The following TENT5C variants were observed in gnomAD, a reference collection of about 807,000 sequenced individuals.
TENT5C encodes the protein family with sequence similarity 46 member C.
Under a neutral mutation model 22.2 loss-of-function variants are expected in TENT5C, and 5 were observed. The observed-to-expected ratio is 0.22, with a 90% CI of 0.12 to 0.47. The LOEUF (loss-of-function observed/expected upper bound fraction) is 0.47, where lower values mean the gene tolerates loss of function less well. Ranked by LOEUF, TENT5C falls within the 20% of genes least tolerant of loss-of-function variation. TENT5C has a pLI of 0.99. For missense variants in TENT5C, 364 were observed against 500.9 expected (o/e 0.73, Z 2.61); for synonymous variants, 199 against 195.4 (o/e 1.02, Z -0.15).
In TENT5C at chr1:117,628,256, G is replaced by A. The variant is rs996889246; in HGVS notation, c.*4212G>A. 2 of 247,230 alleles carry A rather than the reference G, an allele frequency of 8.1e-6. No individual in the cohort carries two copies. The highest frequency in any genetic ancestry group is 1.7e-5 in the Non-Finnish European group (2 of 117,642). 15.3% of individuals were successfully genotyped at this position (247,230 alleles called of 1,614,324 possible). ...TAGGAGGTCTGGGGATTCCTCTTTC[G>A]TGGTGGTCACTAACCTTACTTGATG... On this transcript the variant is annotated 3_prime_UTR_variant, in exon 2 of 2. Transcript: ENST00000369448.
At chr1:117,619,039 A>G (rs1653841913) in intron 1 of TENT5C, among the ~76,000 whole-genome samples, 1 of 152,196 alleles carries the variant, frequency 6.6e-6, no homozygotes, top group African/African-American at 2.4e-5. Context: ...GCGTTTCTGT[A>G]TTGTTTTATA....
At chr1:117,612,313 C>CA (rs1653686169) in intron 1 of TENT5C, among the ~76,000 whole-genome samples, 1 of 150,730 alleles carries the variant, frequency 6.6e-6, no homozygotes, top group South Asian at 2.1e-4. Context: ...GACACTAAAA[C>CA]ACATGGTGTT....
In TENT5C at chr1:117,621,170, C is replaced by T. The variant is rs191200935; in HGVS notation, c.-27-1672C>T. ...TGTTCAGAGGCACTTTTGTCTTCCC[C>T]TCCACGAGTACTCTGTAGCGAGCAA... On this transcript the variant is annotated intron_variant, in intron 1 of 1. Coordinates refer to ENST00000369448, the MANE Select transcript of TENT5C (RefSeq NM_017709.4). Among the ~76,000 whole-genome samples the T allele has an allele frequency of 7.2e-5, 11 of 152,262 alleles. No homozygotes were observed. The East Asian group carries it at 1.4e-3, about 19-fold the overall frequency.
At chr1:117,609,774 G>C (rs182483537) in intron 1 of TENT5C, among the ~76,000 whole-genome samples, 1 of 152,338 alleles carries the variant, frequency 6.6e-6, no homozygotes, top group African/African-American at 2.4e-5. Flanking sequence ...TATAGAGCTG[G>C]CCTGGCACAC....
chr1:117,607,593 G>A (rs1364298684), intron 1 of TENT5C, among the ~76,000 whole-genome samples: 2 of 152,154 alleles, frequency 1.3e-5, no homozygotes, highest in Non-Finnish European at 1.5e-5. Context: ...TGCCCTCTGC[G>A]TGCAGGAAAG....
intron 1 of TENT5C, among the ~76,000 whole-genome samples, chr1:117,610,425 T>C (rs1053966956): frequency 2.0e-5 from 3 of 152,224 alleles, no homozygotes; most frequent in African/African-American, 7.2e-5. Flanking sequence ...TACTCCTTTC[T>C]CACCAAACTT....
At chr1:117,622,764 T>C in intron 1 of TENT5C, 78 bp from the exon 2 acceptor site, 1 of 942,144 alleles carries the variant, frequency 1.1e-6, no homozygotes, top group Non-Finnish European at 1.6e-6. Context: ...TGTTCAGAGA[T>C]TAAACAGTGT....
chr1:117,618,996 C>G (rs528589904), intron 1 of TENT5C, among the ~76,000 whole-genome samples: 4 of 152,204 alleles, frequency 2.6e-5, no homozygotes, highest in Non-Finnish European at 5.9e-5. Flanking sequence ...GAAAACAAAC[C>G]CTGAATGCTC....
intron 1 of TENT5C, among the ~76,000 whole-genome samples, chr1:117,616,378 G>A (rs1653779816): frequency 6.6e-6 from 1 of 152,232 alleles, no homozygotes; most frequent in African/African-American, 2.4e-5. Context: ...GGATAGGATA[G>A]TATGAAGTGT....
In TENT5C at chr1:117,626,441, T is replaced by C. The variant is rs144406479; in HGVS notation, c.*2397T>C. 757 of 247,930 alleles carry C rather than the reference T, an allele frequency of 3.1e-3. 8 individuals carry two copies. The highest frequency in any genetic ancestry group is 0.016 in the African/African-American group (714 of 45,446). The allele number at this position is 247,930 out of a possible 1,614,324, so 15.4% of individuals were successfully genotyped here. A position where few individuals can be genotyped will look rare whatever the true frequency, so the allele number is the denominator to read the frequency against. On this transcript the variant is annotated 3_prime_UTR_variant, in exon 2 of 2. Transcript: ENST00000369448. ...ACCTTTTTAGTCAGCTCAGATCTTT[T>C]TGTAGTTTGAGAATAGACCTATTCA...
chr1:117,615,197 C>A (rs1341680152), intron 1 of TENT5C, among the ~76,000 whole-genome samples: 1 of 152,108 alleles, frequency 6.6e-6, no homozygotes, highest in African/African-American at 2.4e-5. Flanking sequence ...TTTTAAAAAT[C>A]TTTATACCTT....
chr1:117,624,926 T>C lies in TENT5C; in HGVS notation c.*882T>C, dbSNP rs1163880199. 8.1e-6 allele frequency: 2 copies of C among 247,838 alleles called. No homozygotes were observed. Among genetic ancestry groups the C allele is most frequent in the Non-Finnish European group, 8.5e-6 (1 of 118,026 alleles). The allele number at this position is 247,838 out of a possible 1,614,324, so 15.4% of individuals were successfully genotyped here. ...TCTTTTTTCCTCATCAGCTCTTTCATGGCTGAATTTTGTTTTATTCTTCCT... is the reference window on the plus strand; with the variant it reads ...TCTTTTTTCCTCATCAGCTCTTTCACGGCTGAATTTTGTTTTATTCTTCCT... On this transcript the variant is annotated 3_prime_UTR_variant, in exon 2 of 2. Coordinates refer to ENST00000369448, the MANE Select transcript of TENT5C (RefSeq NM_017709.4).
intron 1 of TENT5C, among the ~76,000 whole-genome samples, chr1:117,610,167 A>G (rs1212231124): frequency 6.6e-6 from 1 of 152,070 alleles, no homozygotes; most frequent in Non-Finnish European, 1.5e-5. Flanking sequence ...GCCCGTAGAC[A>G]GGAACTTGAT....
intron 1 of TENT5C, among the ~76,000 whole-genome samples, chr1:117,609,994 A>G (rs1653630498): frequency 6.6e-6 from 1 of 152,188 alleles, no homozygotes; most frequent in Non-Finnish European, 1.5e-5. Context: ...GCTGAGCTCC[A>G]GACCCACTCC....
At chr1:117,607,833 C>T (rs1653575380) in intron 1 of TENT5C, among the ~76,000 whole-genome samples, 1 of 152,052 alleles carries the variant, frequency 6.6e-6, no homozygotes, top group Admixed American at 6.5e-5. Context: ...TTTCTCTGGG[C>T]TTTTAGGGAA....
In TENT5C at chr1:117,625,786, C is replaced by T. The variant is rs1362709948; in HGVS notation, c.*1742C>T. ...TTATTCTGGAATGTGATGTCTTGGT[C>T]CTCTTAAAAGCAGATCAGCCATGAC... On this transcript the variant is annotated 3_prime_UTR_variant, in exon 2 of 2. Coordinates refer to ENST00000369448, the MANE Select transcript of TENT5C (RefSeq NM_017709.4). 7 of 247,852 alleles carry T rather than the reference C, an allele frequency of 2.8e-5. No individual in the cohort carries two copies. In the East Asian group the frequency reaches 3.6e-4, roughly 13 times the overall value. 15.4% of individuals were successfully genotyped at this position (247,852 alleles called of 1,614,324 possible).
rs1215452754 is a variant in TENT5C at position 117,623,820 on chromosome 1, A to G, written c.952A>G (p.Thr318Ala). The change falls in exon 2 of 2, where the codon ACC becomes GCC. Residue 318 changes from threonine to alanine, a missense_variant. Around this residue, in one of 3 missense-constraint regions of TENT5C, gnomAD observed 7 missense variants for 29.9 expected, o/e 0.23. Coordinates refer to ENST00000369448, the MANE Select transcript of TENT5C (RefSeq NM_017709.4). The stretch of plus-strand genomic sequence containing the variant: ...CCTTCGCAGGGTGGTGAACGAGAGC[A>G]CCGTGTGTCTCATGGGGCATGAACG... ...MILRRVVNES[T>A]VCLMGHERRQ... 1 of 1,614,168 alleles carries G rather than the reference A, an allele frequency of 6.2e-7. No homozygotes were observed. The highest frequency in any genetic ancestry group is 1.7e-5 in the Admixed American group (1 of 60,018).
rs1237876429 is a variant in TENT5C at position 117,626,434 on chromosome 1, G to T, written c.*2390G>T. On this transcript the variant is annotated 3_prime_UTR_variant, in exon 2 of 2. Coordinates refer to ENST00000369448, the MANE Select transcript of TENT5C (RefSeq NM_017709.4). Reference sequence around the variant, plus strand: ...TCACCTGACCTTTTTAGTCAGCTCAGATCTTTTTGTAGTTTGAGAATAGAC... The same window carrying T: ...TCACCTGACCTTTTTAGTCAGCTCATATCTTTTTGTAGTTTGAGAATAGAC... The T allele has an allele frequency of 4.0e-6, 1 of 247,780 alleles. No individual in the cohort carries two copies. Among genetic ancestry groups the T allele is most frequent in the African/African-American group, 2.2e-5 (1 of 45,312 alleles). The allele number at this position is 247,780 out of a possible 1,614,324, so 15.3% of individuals were successfully genotyped here.
At position 117,628,155 on chromosome 1, in the gene TENT5C, A is replaced by G. The variant is rs1329720294; in HGVS notation, c.*4111A>G. 2 of 247,808 alleles carry G rather than the reference A, an allele frequency of 8.1e-6. No individual in the cohort carries two copies. Among genetic ancestry groups the G allele is most frequent in the East Asian group, 1.2e-4 (2 of 16,512 alleles). The allele number at this position is 247,808 out of a possible 1,614,324, so 15.4% of individuals were successfully genotyped here. A position where few individuals can be genotyped will look rare whatever the true frequency, so the allele number is the denominator to read the frequency against. On this transcript the variant is annotated 3_prime_UTR_variant, in exon 2 of 2. Transcript: ENST00000369448. ...TTATTTCCAAATTAATATAGATGAA[A>G]AATAGATACCAATTAGACTAAATTG...
Sources: allele counts gnomAD v4.1 joint callset (sites outside exome capture counted in the v4.1 genomes callset), GRCh38; gene constraint gnomAD v4.1.1; regional missense constraint gnomAD v4.1.1; transcripts MANE v1.5; gene names NCBI Gene and HGNC (gene_info 2026-07-23, HGNC 2026-07-21).